GLIPR1L2: variants seen among roughly 807,000 people sequenced by gnomAD.
The protein encoded by GLIPR1L2 is GLIPR1-like protein 2.
Under a neutral mutation model 28.4 loss-of-function variants are expected in GLIPR1L2, and 21 were observed. The ratio of observed to expected loss-of-function variants is 0.74; its 90% CI spans 0.52 to 1.06. The LOEUF is 1.06. GLIPR1L2 is among the 50% of genes least tolerant of loss of function. The pLI, the probability that GLIPR1L2 is intolerant of heterozygous loss-of-function variation, is 0.00. For missense variants in GLIPR1L2, 476 were observed against 416.9 expected (o/e 1.14, Z -1.23); for synonymous variants, 145 against 139.3 (o/e 1.04, Z -0.29).
chr12:75,429,202 G>T (rs971387418), intron 4 of GLIPR1L2, among the ~76,000 whole-genome samples: 8 of 152,220 alleles, frequency 5.3e-5, no homozygotes, highest in Non-Finnish European at 1.2e-4. Context: ...GAACCCTTCA[G>T]AGCCACAGGG....
At position 75,424,924 on chromosome 12, in the gene GLIPR1L2, C is replaced by A. The variant is rs79998343; in HGVS notation, c.670+1935C>A. 3.7e-3 allele frequency among the ~76,000 whole-genome samples: 554 copies of A among 151,306 alleles called. 3 individuals are homozygous for A. The highest frequency in any genetic ancestry group is 4.0e-3 in the Admixed American group (61 of 15,194). ...ATTGGACAGGTCAGGGGAATGTAGT[C>A]ATCTACACAGAGGGGCATCCAAAGG... is the stretch of plus-strand genomic sequence containing the variant. On this transcript the variant is annotated intron_variant, in intron 4 of 5. Transcript: ENST00000550916.
intron 3 of GLIPR1L2, among the ~76,000 whole-genome samples, chr12:75,419,255 G>C (rs1389504085): frequency 1.3e-5 from 2 of 152,178 alleles, no homozygotes; most frequent in African/African-American, 2.4e-5. Context: ...AATTAATGAA[G>C]CAGTGTGGCA....
At chr12:75,410,104 C>T (rs2045850079) in intron 1 of GLIPR1L2, among the ~76,000 whole-genome samples, 1 of 151,588 alleles carries the variant, frequency 6.6e-6, no homozygotes, top group Non-Finnish European at 1.5e-5. Context: ...TACAAAAAGG[C>T]ATGAGTTTAA....
At chr12:75,409,565 GTA>G (rs4019358) in intron 1 of GLIPR1L2, among the ~76,000 whole-genome samples, 4 of 143,434 alleles carry the variant, frequency 2.8e-5, no homozygotes, top group Admixed American at 7.1e-5. Flanking sequence ...GGGTGTGTGT[GTA>G]TATATATATA....
chr12:75,397,924 C>G (rs1482106796), intron 1 of GLIPR1L2, among the ~76,000 whole-genome samples: 3 of 152,010 alleles, frequency 2.0e-5, no homozygotes, highest in Non-Finnish European at 4.4e-5. Context: ...GATATTTCCT[C>G]TCCTCCGATT....
chr12:75,403,379 G>T (rs1041161045), intron 1 of GLIPR1L2, among the ~76,000 whole-genome samples: 4 of 151,956 alleles, frequency 2.6e-5, no homozygotes, highest in African/African-American at 9.7e-5. Flanking sequence ...TCTTTGTTTT[G>T]TGGGGAGATT....
In GLIPR1L2 at chr12:75,423,020, T is replaced by C. The variant is rs142986369; in HGVS notation, c.670+31T>C. On this transcript the variant is annotated intron_variant, in intron 4 of 5. Coordinates refer to ENST00000550916, the MANE Select transcript of GLIPR1L2 (RefSeq NM_001270396.2). Reference sequence around the variant, plus strand: ...ATAAAGAAAATAAACATGAAAAAAATGCATAATGGATTGGACAAGAAAAAT... The same window carrying C: ...ATAAAGAAAATAAACATGAAAAAAACGCATAATGGATTGGACAAGAAAAAT... 5.6e-6 allele frequency: 9 copies of C among 1,600,688 alleles called. No individual in the cohort carries two copies. The African/African-American group carries it at 1.1e-4, about 19-fold the overall frequency.
intron 3 of GLIPR1L2, among the ~76,000 whole-genome samples, chr12:75,416,224 C>A (rs2045922208): frequency 6.6e-6 from 1 of 151,980 alleles, no homozygotes; most frequent in Non-Finnish European, 1.5e-5. Context: ...TAGAGAAGAT[C>A]AAAAGATATG....
chr12:75,402,208 A>C (rs1394828337), intron 1 of GLIPR1L2, among the ~76,000 whole-genome samples: 1 of 152,184 alleles, frequency 6.6e-6, no homozygotes, highest in Non-Finnish European at 1.5e-5. Context: ...TTGCAAAGTA[A>C]ATACAGAAAG....
chr12:75,407,534 G>C (rs2045816956), intron 1 of GLIPR1L2, among the ~76,000 whole-genome samples: 1 of 152,070 alleles, frequency 6.6e-6, no homozygotes, highest in African/African-American at 2.4e-5. Flanking sequence ...AGAGACATAA[G>C]TTTTTAGATT....
At chr12:75,397,349 AT>A (rs1179651212) in intron 1 of GLIPR1L2, among the ~76,000 whole-genome samples, 1 of 151,672 alleles carries the variant, frequency 6.6e-6, no homozygotes, top group African/African-American at 2.4e-5. Flanking sequence ...AAACATAATT[AT>A]TTTATATTTT....
Position 75,391,661 on chromosome 12 carries a change from ATCAGTGC to A in GLIPR1L2, c.234+312_234+318del. 3 of 635,700 alleles carry A rather than the reference ATCAGTGC, an allele frequency of 4.7e-6. No individual in the cohort carries two copies. In the Admixed American group the frequency reaches 8.7e-5, roughly 18 times the overall value. 39.4% of individuals were successfully genotyped at this position (635,700 alleles called of 1,614,324 possible). On this transcript the variant is annotated intron_variant, in intron 1 of 5. Coordinates refer to ENST00000550916, the MANE Select transcript of GLIPR1L2 (RefSeq NM_001270396.2). ...TGCAACGGGTTTTTAAAAATTAAAAATCAGTGCAAAAATATCAATATCAAGGGTAAAG... is the reference window on the plus strand; with the variant it reads ...TGCAACGGGTTTTTAAAAATTAAAAAAAAAATATCAATATCAAGGGTAAAG...
At chr12:75,430,630 T>A in intron 4 of GLIPR1L2, 85 bp from the exon 5 acceptor site, 1 of 1,255,086 alleles carries the variant, frequency 8.0e-7, no homozygotes, top group Non-Finnish European at 1.1e-6. Context: ...TAGGAGAAAG[T>A]GACACTATTA....
chr12:75,420,322 G>C (rs541892669), intron 3 of GLIPR1L2, among the ~76,000 whole-genome samples: 1 of 152,338 alleles, frequency 6.6e-6, no homozygotes, highest in African/African-American at 2.4e-5. Context: ...GGCAAAGAAA[G>C]TTTCTACAAC....
chr12:75,413,753 T>C (rs2045896568), intron 3 of GLIPR1L2, 52 bp downstream of exon 3: 2 of 862,302 alleles, frequency 2.3e-6, no homozygotes, highest in Non-Finnish European at 3.5e-6. Flanking sequence ...TATTTCAAGG[T>C]GAGTTTTTCT....
At chr12:75,407,248 C>G (rs962165908) in intron 1 of GLIPR1L2, among the ~76,000 whole-genome samples, 3 of 152,080 alleles carry the variant, frequency 2.0e-5, no homozygotes, top group African/African-American at 7.2e-5. Flanking sequence ...CTTCTAAAGC[C>G]TTCATTACTG....
At chr12:75,407,021 C>A (rs187256729) in intron 1 of GLIPR1L2, among the ~76,000 whole-genome samples, 10 of 152,078 alleles carry the variant, frequency 6.6e-5, no homozygotes, top group African/African-American at 2.4e-4. Context: ...AATCTTCATC[C>A]CCTCCCCTTG....
chr12:75,422,797 TA>T, intron 3 of GLIPR1L2, 106 bp from the exon 4 acceptor site: 1 of 865,710 alleles, frequency 1.2e-6, no homozygotes, highest in Non-Finnish European at 1.8e-6. Context: ...TCCAGTTTCT[TA>T]ACCCGCCTTT....
intron 4 of GLIPR1L2, chr12:75,423,685 C>A (rs575523605): frequency 3.5e-4 from 56 of 161,586 alleles, no homozygotes; most frequent in Non-Finnish European, 6.4e-4. Flanking sequence ...CCATCATCTA[C>A]ATTAGATATT....
Sources: allele counts gnomAD v4.1 joint callset (sites outside exome capture counted in the v4.1 genomes callset), GRCh38; gene constraint gnomAD v4.1.1; transcripts MANE v1.5; gene names NCBI Gene and HGNC (gene_info 2026-07-23, HGNC 2026-07-21).